Variants in DLG2 observed in about 807,000 individuals in gnomAD.
The protein encoded by DLG2 is disks large homolog 2.
Under a neutral mutation model 132.5 loss-of-function variants are expected in DLG2, and 45 were observed. The ratio of observed to expected loss-of-function variants is 0.34; its 90% CI spans 0.27 to 0.44. The LOEUF is 0.44. Among genes scored for constraint, DLG2 ranks in the 20% least tolerant of loss-of-function variants. The pLI is 1.00. For missense variants in DLG2, 1,045 were observed against 1,196.9 expected (o/e 0.87, Z 1.87); for synonymous variants, 424 against 419.6 (o/e 1.01, Z -0.13).
Position 84,237,248 on chromosome 11 carries a change from C to T in DLG2, c.573+13990G>A, listed in dbSNP as rs147761993. The stretch of plus-strand genomic sequence containing the variant: ...CAGCCCAGCATCAGTATTTTTGAAG[C>T]GGGAAGCAATTACAATGTGGGGGCA... On this transcript the variant is annotated intron_variant, in intron 8 of 27. Transcript: ENST00000376104. Among the ~76,000 whole-genome samples the T allele has an allele frequency of 1.6e-4, 24 of 151,998 alleles. No homozygotes were observed. The East Asian group carries it at 2.5e-3, about 16-fold the overall frequency.
intron 3 of DLG2, among the ~76,000 whole-genome samples, chr11:85,301,991 AAATAG>A (rs2079613709): frequency 6.6e-6 from 1 of 152,214 alleles, no homozygotes; most frequent in Admixed American, 6.5e-5. Context: ...GAATTAATAC[AAATAG>A]TATAGTAGCA....
chr11:85,533,007 TTTGTTG>T lies in DLG2; in HGVS notation c.40+65644_40+65649del, dbSNP rs142405019. Among the ~76,000 whole-genome samples, 362 of 151,236 alleles carry T rather than the reference TTTGTTG, an allele frequency of 2.4e-3. 2 individuals carry two copies. The highest frequency in any genetic ancestry group is 7.8e-3 in the African/African-American group (321 of 41,140). ...CAAAATTAGAGATGCCTAAGGTGTT[TTTGTTG>T]TTGTTGTTGTTGTTGTTGTTGTTGT... is the stretch of plus-strand genomic sequence containing the variant. On this transcript the variant is annotated intron_variant, in intron 3 of 27. Transcript: ENST00000376104.
rs544121267 is a variant in DLG2 at position 84,827,371 on chromosome 11, A to AG, written c.357+284289_357+284290insC. Among the ~76,000 whole-genome samples the AG allele has an allele frequency of 7.0e-4, 107 of 151,876 alleles. 1 individual carries two copies. In the South Asian group the frequency reaches 9.4e-3, roughly 13 times the overall value. On this transcript the variant is annotated intron_variant, in intron 6 of 27. Coordinates refer to ENST00000376104, the MANE Select transcript of DLG2 (RefSeq NM_001142699.3). Reference sequence around the variant, plus strand: ...ACCAGCTAGAAAAACTAAAAAAAAAAAATTTATGTCTGATGCAATTCTGAT... The same window carrying AG: ...ACCAGCTAGAAAAACTAAAAAAAAAAGAATTTATGTCTGATGCAATTCTGAT...
At chr11:83,838,034 G>C (rs2056692559) in intron 16 of DLG2, among the ~76,000 whole-genome samples, 1 of 151,840 alleles carries the variant, frequency 6.6e-6, no homozygotes, top group South Asian at 2.1e-4. Flanking sequence ...CAACACTGAA[G>C]CTCTATATAG....
intron 6 of DLG2, among the ~76,000 whole-genome samples, chr11:85,007,802 A>T (rs973698170): frequency 6.6e-6 from 1 of 152,070 alleles, no homozygotes; most frequent in Admixed American, 6.6e-5. Flanking sequence ...CATCTGCAAT[A>T]TAAGATTGTT....
intron 6 of DLG2, among the ~76,000 whole-genome samples, chr11:84,693,676 T>C (rs1287276801): frequency 1.3e-5 from 2 of 151,676 alleles, no homozygotes; most frequent in African/African-American, 4.8e-5. Context: ...ACCTGGCTTA[T>C]ACACTCTGAC....
chr11:83,899,560 C>A (rs1050961813), intron 15 of DLG2, among the ~76,000 whole-genome samples: 3 of 152,170 alleles, frequency 2.0e-5, no homozygotes, highest in Non-Finnish European at 2.9e-5. Flanking sequence ...TTTCTCATGA[C>A]AGTGAATAAG....
At chr11:83,652,573 T>C (rs1458785342) in intron 18 of DLG2, among the ~76,000 whole-genome samples, 1 of 152,172 alleles carries the variant, frequency 6.6e-6, no homozygotes, top group Non-Finnish European at 1.5e-5. Context: ...GGTTTCACCA[T>C]GTTGGCCAGG....
chr11:83,464,392 A>G (rs1392048659), intron 26 of DLG2, among the ~76,000 whole-genome samples: 1 of 152,232 alleles, frequency 6.6e-6, no homozygotes, highest in Admixed American at 6.5e-5. Context: ...CTGACCTAGC[A>G]TTCACTACTC....
intron 6 of DLG2, among the ~76,000 whole-genome samples, chr11:84,586,043 TG>T (rs1299318357): frequency 6.6e-6 from 1 of 151,120 alleles, no homozygotes; most frequent in African/African-American, 2.4e-5. Context: ...CCCAGCTACT[TG>T]GGTGGCTGAG....
intron 18 of DLG2, among the ~76,000 whole-genome samples, chr11:83,686,440 T>C (rs962835554): frequency 2.6e-5 from 4 of 152,136 alleles, no homozygotes; most frequent in Middle Eastern, 3.2e-3. Flanking sequence ...TAGTTCTTTG[T>C]TCATTTCTTT....
At chr11:83,650,215 A>C (rs1254216145) in intron 18 of DLG2, among the ~76,000 whole-genome samples, 1 of 152,206 alleles carries the variant, frequency 6.6e-6, no homozygotes, top group Non-Finnish European at 1.5e-5. Flanking sequence ...TGCTATGCTG[A>C]AAGGGACTTT....
At chr11:84,580,591 G>C (rs2154529061) in intron 6 of DLG2, among the ~76,000 whole-genome samples, 2 of 152,324 alleles carry the variant, frequency 1.3e-5, no homozygotes, top group African/African-American at 4.8e-5. Flanking sequence ...CTAGCTGCGA[G>C]TAAAAGGCAG....
At chr11:85,558,983 G>T (rs1190135969) in intron 3 of DLG2, among the ~76,000 whole-genome samples, 3 of 151,452 alleles carry the variant, frequency 2.0e-5, no homozygotes, top group Non-Finnish European at 3.0e-5. Context: ...TAAAACTAAC[G>T]TGCAGAACTA....
intron 18 of DLG2, among the ~76,000 whole-genome samples, chr11:83,662,559 A>G (rs1219872627): frequency 1.3e-5 from 2 of 152,088 alleles, no homozygotes; most frequent in African/African-American, 2.4e-5. Flanking sequence ...CATTAACTCA[A>G]TGAATCTCCA....
intron 3 of DLG2, among the ~76,000 whole-genome samples, chr11:85,425,189 C>A (rs1375863507): frequency 2.6e-5 from 4 of 152,134 alleles, no homozygotes; most frequent in African/African-American, 9.7e-5. Context: ...TAAAGCAGAA[C>A]ATCTCAAAGA....
intron 17 of DLG2, among the ~76,000 whole-genome samples, chr11:83,817,528 A>T (rs2066757645): frequency 6.6e-6 from 1 of 152,202 alleles, no homozygotes; most frequent in South Asian, 2.1e-4. Flanking sequence ...TGAAAAAAGT[A>T]TGAATGTATG....
chr11:85,426,696 T>A (rs968928729), intron 3 of DLG2, among the ~76,000 whole-genome samples: 8 of 151,978 alleles, frequency 5.3e-5, no homozygotes, highest in African/African-American at 1.9e-4. Context: ...GCAGAAAAAC[T>A]GGAAACTCTA....
intron 3 of DLG2, among the ~76,000 whole-genome samples, chr11:85,549,195 C>T (rs2076512358): frequency 6.6e-6 from 1 of 152,162 alleles, no homozygotes; most frequent in South Asian, 2.1e-4. Flanking sequence ...GGCTGGAGTA[C>T]ATGGTACAGT....
Sources: allele counts gnomAD v4.1 joint callset (sites outside exome capture counted in the v4.1 genomes callset), GRCh38; gene constraint gnomAD v4.1.1; transcripts MANE v1.5; gene names NCBI Gene and HGNC (gene_info 2026-07-23, HGNC 2026-07-21).